UIMC1: variants seen among roughly 807,000 people sequenced by gnomAD.
UIMC1 encodes ubiquitin interaction motif containing 1.
In UIMC1, 42 loss-of-function variants were observed where a neutral mutation model predicts 84.9. The observed-to-expected ratio is 0.49, with a 90% CI of 0.39 to 0.64. UIMC1 has a LOEUF of 0.64. Among genes scored for constraint, UIMC1 ranks in the 30% least tolerant of loss-of-function variants. The pLI is 0.00. For synonymous variants in UIMC1, 281 were observed against 293.0 expected (o/e 0.96, Z 0.42); for missense variants, 825 against 847.6 (o/e 0.97, Z 0.33).
Position 176,969,908 on chromosome 5 carries a change from T to G in UIMC1, c.358-202A>C, listed in dbSNP as rs1162046220. The G allele has an allele frequency of 6.0e-6, 3 of 497,000 alleles. No individual in the cohort carries two copies. The East Asian group carries it at 9.4e-5, about 16-fold the overall frequency. The allele number at this position is 497,000 out of a possible 1,614,324, so 30.8% of individuals were successfully genotyped here. The stretch of plus-strand genomic sequence containing the variant: ...TAGATCACTATACTAAACCCTTTTT[T>G]AAAACAGGGAGGCAAATGGCATAAA... On this transcript the variant is annotated intron_variant, in intron 4 of 14. Coordinates refer to ENST00000511320, the MANE Select transcript of UIMC1 (RefSeq NM_001199298.2).
At chr5:176,946,640 G>C (rs568778359) in intron 9 of UIMC1, among the ~76,000 whole-genome samples, 5 of 152,302 alleles carry the variant, frequency 3.3e-5, no homozygotes, top group Admixed American at 2.0e-4. Flanking sequence ...TTTGAGACCA[G>C]CCTGGCTAAT....
chr5:176,945,402 T>G (rs1764952914), intron 9 of UIMC1, among the ~76,000 whole-genome samples: 1 of 152,188 alleles, frequency 6.6e-6, no homozygotes, highest in Non-Finnish European at 1.5e-5. Context: ...TCCCTGAAAC[T>G]ATTGCTATGG....
chr5:176,944,488 G>C (rs1297900598), intron 9 of UIMC1, among the ~76,000 whole-genome samples: 3 of 152,200 alleles, frequency 2.0e-5, no homozygotes, highest in Non-Finnish European at 2.9e-5. Flanking sequence ...TGCTTCAAAG[G>C]ACAGCATGTC....
chr5:177,000,498 C>CTTTTTT (rs966855813), intron 1 of UIMC1, among the ~76,000 whole-genome samples: 12 of 113,362 alleles, frequency 1.1e-4, no homozygotes, highest in African/African-American at 2.8e-4. Flanking sequence ...ACTTGCATGT[C>CTTTTTT]TTTTTTTTTT....
intron 6 of UIMC1, among the ~76,000 whole-genome samples, chr5:176,966,038 A>T (rs546324398): frequency 2.0e-5 from 3 of 152,236 alleles, no homozygotes; most frequent in Non-Finnish European, 4.4e-5. Context: ...ACTATTTCTT[A>T]AAAATGCCTT....
chr5:177,017,881 G>T (rs1775705599), intron 1 of UIMC1, among the ~76,000 whole-genome samples: 1 of 151,716 alleles, frequency 6.6e-6, no homozygotes, highest in South Asian at 2.1e-4. Flanking sequence ...TGAACTCCTG[G>T]GGTCAAGCAA....
chr5:177,017,946 C>A (rs982512842), intron 1 of UIMC1, among the ~76,000 whole-genome samples: 4 of 152,010 alleles, frequency 2.6e-5, no homozygotes, highest in African/African-American at 7.2e-5. Context: ...GCCACTGTGC[C>A]CAGCCTAGTC....
At chr5:176,915,793 C>CAAAAAAAA (rs58297107) in intron 10 of UIMC1, among the ~76,000 whole-genome samples, 475 of 42,132 alleles carry the variant, frequency 0.011, no homozygotes, top group Non-Finnish European at 0.014. Context: ...GGTCACAAAG[C>CAAAAAAAA]AAAAAAAAAA....
rs112159843 is a variant in UIMC1 at position 176,948,370 on chromosome 5, T to C, written c.1443+3104A>G. On this transcript the variant is annotated intron_variant, in intron 9 of 14. Coordinates refer to ENST00000511320, the MANE Select transcript of UIMC1 (RefSeq NM_001199298.2). ...ACAAAGCAGTAAAATAATATGACTT[T>C]CCACATGATACTTCTACTTGTGACA... is the stretch of plus-strand genomic sequence containing the variant. 1.2e-4 allele frequency among the ~76,000 whole-genome samples: 18 copies of C among 152,350 alleles called. 1 individual carries two copies. The highest frequency in any genetic ancestry group is 3.8e-4 in the African/African-American group (16 of 41,580).
chr5:176,998,923 C>A (rs1774041961), intron 1 of UIMC1, among the ~76,000 whole-genome samples: 1 of 152,132 alleles, frequency 6.6e-6, no homozygotes, highest in Middle Eastern at 3.2e-3. Context: ...GGTGCAGTGT[C>A]TCACGCCTGT....
chr5:176,980,615 C>A (rs368734314), intron 2 of UIMC1, among the ~76,000 whole-genome samples: 1 of 151,898 alleles, frequency 6.6e-6, no homozygotes, highest in South Asian at 2.1e-4. Context: ...CATTTCATAT[C>A]TTTCTAAACT....
At chr5:176,985,889 A>T (rs1771912542) in intron 1 of UIMC1, among the ~76,000 whole-genome samples, 1 of 152,190 alleles carries the variant, frequency 6.6e-6, no homozygotes, top group Non-Finnish European at 1.5e-5. Flanking sequence ...CCCATAACTA[A>T]TAAGCTAACA....
intron 7 of UIMC1, among the ~76,000 whole-genome samples, chr5:176,956,704 C>T (rs1199636432): frequency 6.6e-6 from 1 of 151,748 alleles, no homozygotes; most frequent in Non-Finnish European, 1.5e-5. Flanking sequence ...TCTGAGCTAG[C>T]CCCCTCATGC....
At chr5:176,968,223 T>C (rs1018525834) in intron 6 of UIMC1, among the ~76,000 whole-genome samples, 3 of 152,026 alleles carry the variant, frequency 2.0e-5, no homozygotes, top group African/African-American at 7.2e-5. Flanking sequence ...AGTACAAAAA[T>C]TAGCAGGGCA....
At chr5:176,921,218 T>G (rs1278034025) in intron 10 of UIMC1, among the ~76,000 whole-genome samples, 1 of 152,178 alleles carries the variant, frequency 6.6e-6, no homozygotes, top group Non-Finnish European at 1.5e-5. Context: ...TCCCTCCTAT[T>G]GCACAGAATG....
intron 10 of UIMC1, among the ~76,000 whole-genome samples, chr5:176,940,416 T>A (rs1000497306): frequency 4.6e-5 from 7 of 152,202 alleles, no homozygotes; most frequent in Admixed American, 4.6e-4. Flanking sequence ...GCATTCAGTT[T>A]CTCAAACTCA....
At chr5:176,939,273 GA>G (rs921789032) in intron 10 of UIMC1, among the ~76,000 whole-genome samples, 19 of 134,798 alleles carry the variant, frequency 1.4e-4, no homozygotes, top group Non-Finnish European at 2.4e-4. Context: ...AAAAAAAAAA[GA>G]AAAAAAAAGA....
chr5:176,927,161 A>G (rs540099222), intron 10 of UIMC1, among the ~76,000 whole-genome samples: 2 of 151,764 alleles, frequency 1.3e-5, no homozygotes, highest in Non-Finnish European at 2.9e-5. Context: ...CCAGGAGTTC[A>G]AGAACAGCCT....
At chr5:176,970,427 A>G (rs900342866) in intron 4 of UIMC1, 2 of 383,378 alleles carry the variant, frequency 5.2e-6, no homozygotes, top group African/African-American at 4.1e-5. Flanking sequence ...AGAAGTTAGC[A>G]TCTTATCTTG....
Sources: allele counts gnomAD v4.1 joint callset (sites outside exome capture counted in the v4.1 genomes callset), GRCh38; gene constraint gnomAD v4.1.1; transcripts MANE v1.5; gene names NCBI Gene and HGNC (gene_info 2026-07-23, HGNC 2026-07-21).